The following FSHR variants were observed in gnomAD, a reference collection of about 807,000 sequenced individuals.
FSHR encodes the protein follicle-stimulating hormone receptor.
A neutral mutation model predicts 52.1 loss-of-function variants in FSHR; 46 were observed. That is an observed-to-expected ratio of 0.88 (90% confidence interval 0.70 to 1.13). The LOEUF (loss-of-function observed/expected upper bound fraction) is 1.13, where lower values mean the gene tolerates loss of function less well. FSHR is among the 50% of genes most tolerant of loss of function. The probability of loss-of-function intolerance (pLI) is 0.00; values close to 1 mark genes in which losing one functional copy is unlikely to be tolerated. For synonymous variants in FSHR, 399 were observed against 309.6 expected (o/e 1.29, Z -3.03); for missense variants, 964 against 834.6 (o/e 1.16, Z -1.91).
intron 2 of FSHR, among the ~76,000 whole-genome samples, chr2:49,038,384 G>A (rs554332029): frequency 1.3e-5 from 2 of 151,984 alleles, no homozygotes; most frequent in Admixed American, 6.6e-5. Flanking sequence ...TACTTTGGGA[G>A]GCCAAGGCGG....
At chr2:49,131,859 T>G (rs867664646) in intron 1 of FSHR, among the ~76,000 whole-genome samples, 14 of 152,188 alleles carry the variant, frequency 9.2e-5, no homozygotes, top group African/African-American at 3.1e-4. Context: ...AATCCTTTTT[T>G]ATACCCAGCA....
At chr2:49,061,794 C>A (rs1046269010) in intron 2 of FSHR, among the ~76,000 whole-genome samples, 1 of 136,200 alleles carries the variant, frequency 7.3e-6, no homozygotes, top group Non-Finnish European at 1.6e-5. Context: ...TCATATATAA[C>A]TATATAGTTA....
At chr2:49,076,173 C>A (rs1324256812) in intron 1 of FSHR, among the ~76,000 whole-genome samples, 1 of 152,178 alleles carries the variant, frequency 6.6e-6, no homozygotes, top group Non-Finnish European at 1.5e-5. Context: ...AACTATACCA[C>A]AGACTAGTGT....
At chr2:49,043,645 C>T (rs1220953342) in intron 2 of FSHR, among the ~76,000 whole-genome samples, 1 of 152,152 alleles carries the variant, frequency 6.6e-6, no homozygotes, top group Non-Finnish European at 1.5e-5. Flanking sequence ...TAGAGAATCA[C>T]GGGTGGGGCA....
intron 4 of FSHR, among the ~76,000 whole-genome samples, chr2:48,994,551 C>A (rs1675935125): frequency 6.6e-6 from 1 of 152,088 alleles, no homozygotes; most frequent in South Asian, 2.1e-4. Flanking sequence ...TCTCTATAAC[C>A]CCAAGATAAT....
At chr2:48,979,194 C>A (rs906810957) in intron 8 of FSHR, among the ~76,000 whole-genome samples, 5 of 152,064 alleles carry the variant, frequency 3.3e-5, no homozygotes, top group African/African-American at 1.2e-4. Flanking sequence ...CCTGTAATTC[C>A]AGTGCTTTGG....
At chr2:49,115,968 C>T (rs1004126701) in intron 1 of FSHR, among the ~76,000 whole-genome samples, 1 of 152,066 alleles carries the variant, frequency 6.6e-6, no homozygotes, top group Non-Finnish European at 1.5e-5. Context: ...GGAGGTGGCT[C>T]TATGGGGAAT....
chr2:49,148,735 G>A (rs1211498633), intron 1 of FSHR, among the ~76,000 whole-genome samples: 5 of 151,956 alleles, frequency 3.3e-5, no homozygotes, highest in Admixed American at 3.3e-4. Flanking sequence ...TGAATTTCAA[G>A]AAACAAAGAA....
chr2:49,141,756 A>G (rs1337264455), intron 1 of FSHR, among the ~76,000 whole-genome samples: 1 of 148,938 alleles, frequency 6.7e-6, no homozygotes, highest in Non-Finnish European at 1.5e-5. Flanking sequence ...CATTTTACAT[A>G]TGTAAGTGCT....
At chr2:48,991,619 G>A (rs1675783755) in intron 4 of FSHR, among the ~76,000 whole-genome samples, 1 of 152,202 alleles carries the variant, frequency 6.6e-6, no homozygotes, top group Admixed American at 6.5e-5. Context: ...AGTGAGAGGT[G>A]TACAAGGCTA....
intron 1 of FSHR, among the ~76,000 whole-genome samples, chr2:49,094,172 T>C (rs1670729544): frequency 6.6e-6 from 1 of 152,188 alleles, no homozygotes; most frequent in Non-Finnish European, 1.5e-5. Context: ...GCTCTAGGGA[T>C]TAAACTTTTA....
chr2:49,103,407 G>A (rs931366726), intron 1 of FSHR, among the ~76,000 whole-genome samples: 4 of 152,146 alleles, frequency 2.6e-5, no homozygotes, highest in Non-Finnish European at 5.9e-5. Context: ...AGAAACAAAC[G>A]TAAGGCCTAT....
chr2:49,145,312 T>C (rs1340701891), intron 1 of FSHR, among the ~76,000 whole-genome samples: 1 of 152,136 alleles, frequency 6.6e-6, no homozygotes, highest in African/African-American at 2.4e-5. Context: ...CACCTTTCCA[T>C]TGAACCCTAT....
intron 4 of FSHR, among the ~76,000 whole-genome samples, chr2:49,015,728 C>T (rs1171668125): frequency 6.6e-6 from 1 of 152,130 alleles, no homozygotes; most frequent in African/African-American, 2.4e-5. Context: ...GACTCCTAAG[C>T]CTGAAAGTAG....
At chr2:49,142,417 C>G in intron 1 of FSHR, among the ~76,000 whole-genome samples, 1 of 152,042 alleles carries the variant, frequency 6.6e-6, no homozygotes. Context: ...CCTAGTGTTT[C>G]TAAAGAGTAG....
chr2:48,989,273 CTTTT>C lies in FSHR; in HGVS notation c.447-223_447-220del, dbSNP rs70946840. On this transcript the variant is annotated intron_variant, in intron 5 of 9. Coordinates refer to ENST00000406846, the MANE Select transcript of FSHR (RefSeq NM_000145.4). ...AAATGGAATTGCAGACATTCAGTGT[CTTTT>C]TTTTTTTTTTTTTTTTTTTTTAAGA... Among the ~76,000 whole-genome samples the C allele has an allele frequency of 0.021, 2,508 of 120,772 alleles. 86 individuals carry two copies. The highest frequency in any genetic ancestry group is 0.085 in the African/African-American group (2,344 of 27,432). The allele number at this position is 120,772 out of a possible 152,430, so 79.2% of individuals were successfully genotyped here.
chr2:48,984,965 A>G (rs557250771), intron 6 of FSHR, among the ~76,000 whole-genome samples: 1 of 152,196 alleles, frequency 6.6e-6, no homozygotes, highest in Non-Finnish European at 1.5e-5. Context: ...TCATCACACA[A>G]AAAAAACAAA....
intron 1 of FSHR, among the ~76,000 whole-genome samples, chr2:49,141,347 G>A (rs535532938): frequency 8.5e-5 from 13 of 152,240 alleles, no homozygotes; most frequent in African/African-American, 1.9e-4. Flanking sequence ...TACAGGAAGT[G>A]TGTGGTGCTG....
At chr2:49,068,333 A>G (rs1455451690) in intron 1 of FSHR, 43 bp from the exon 2 acceptor site, 4 of 1,503,372 alleles carry the variant, frequency 2.7e-6, no homozygotes, top group Non-Finnish European at 3.7e-6. Context: ...CTATCCATTA[A>G]TAAGTAATTG....
Sources: allele counts gnomAD v4.1 joint callset (sites outside exome capture counted in the v4.1 genomes callset), GRCh38; gene constraint gnomAD v4.1.1; transcripts MANE v1.5; gene names NCBI Gene and HGNC (gene_info 2026-07-23, HGNC 2026-07-21).